The following CDH18 variants were observed in gnomAD, a reference collection of about 807,000 sequenced individuals.
The protein encoded by CDH18 is cadherin 18.
CDH18 carries 31 observed loss-of-function variants against 67.9 expected under a neutral mutation model. The ratio of observed to expected loss-of-function variants is 0.46; its 90% confidence interval spans 0.34 to 0.62. The LOEUF (loss-of-function observed/expected upper bound fraction) is 0.62. Ranked by LOEUF, CDH18 falls within the 20% of genes least tolerant of loss-of-function variation. The probability of loss-of-function intolerance (pLI) is 0.01; values close to 1 mark genes in which losing one functional copy is unlikely to be tolerated. For synonymous variants in CDH18, 362 were observed against 347.2 expected (o/e 1.04, Z -0.48); for missense variants, 890 against 975.5 (o/e 0.91, Z 1.17).
intron 1 of CDH18, among the ~76,000 whole-genome samples, chr5:20,482,818 T>C (rs1398622070): frequency 2.0e-5 from 3 of 152,028 alleles, no homozygotes; most frequent in Non-Finnish European, 2.9e-5. Context: ...GCTAGTACTA[T>C]ACTTAATGGG....
At chr5:20,366,837 G>C (rs1389628555) in intron 1 of CDH18, among the ~76,000 whole-genome samples, 1 of 152,138 alleles carries the variant, frequency 6.6e-6, no homozygotes, top group African/African-American at 2.4e-5. Context: ...AGTTTAGCAA[G>C]CTGGGCAGGA....
At chr5:20,424,745 TAA>T (rs67349001) in intron 1 of CDH18, among the ~76,000 whole-genome samples, 9,582 of 41,038 alleles carry the variant, frequency 0.23, 255 homozygotes, top group East Asian at 0.31. Context: ...AGACTCTGTC[TAA>T]AAAAAAAAAA....
chr5:20,264,440 ATATTT>A (rs1744883445), intron 1 of CDH18, among the ~76,000 whole-genome samples: 1 of 152,104 alleles, frequency 6.6e-6, no homozygotes, highest in South Asian at 2.1e-4. Context: ...AAATATGAAA[ATATTT>A]AATTTAATAG....
chr5:20,261,686 G>T (rs1744668371), intron 1 of CDH18, among the ~76,000 whole-genome samples: 1 of 151,968 alleles, frequency 6.6e-6, no homozygotes. Flanking sequence ...AGCTGAGATG[G>T]AGCCACTGCA....
intron 1 of CDH18, among the ~76,000 whole-genome samples, chr5:20,418,769 C>T (rs1747565475): frequency 6.6e-6 from 1 of 151,978 alleles, no homozygotes; most frequent in Non-Finnish European, 1.5e-5. Context: ...TGTGTATATG[C>T]AATGGGCTGA....
intron 2 of CDH18, among the ~76,000 whole-genome samples, chr5:20,214,997 A>G (rs1740646309): frequency 6.6e-6 from 1 of 152,002 alleles, no homozygotes; most frequent in Admixed American, 6.6e-5. Context: ...GATTTACAAT[A>G]AAAAAAGACC....
chr5:19,666,467 C>A (rs975647560), intron 5 of CDH18, among the ~76,000 whole-genome samples: 1 of 151,724 alleles, frequency 6.6e-6, no homozygotes, highest in African/African-American at 2.4e-5. Context: ...GATAAAACAT[C>A]TCCTGATGTC....
At chr5:19,827,327 CAAA>C (rs70954605) in intron 3 of CDH18, among the ~76,000 whole-genome samples, 4 of 124,994 alleles carry the variant, frequency 3.2e-5, no homozygotes, top group Admixed American at 1.6e-4. Flanking sequence ...GTTATCAAGG[CAAA>C]AAAAAAAAAA....
intron 2 of CDH18, among the ~76,000 whole-genome samples, chr5:19,842,920 C>T (rs1782506342): frequency 1.3e-5 from 2 of 152,008 alleles, no homozygotes; most frequent in African/African-American, 2.4e-5. Context: ...GAGACTGGTG[C>T]CATTTTGTCC....
chr5:20,490,030 A>G (rs1436494299), intron 1 of CDH18, among the ~76,000 whole-genome samples: 1 of 150,984 alleles, frequency 6.6e-6, no homozygotes, highest in Non-Finnish European at 1.5e-5. Context: ...AATAAATATA[A>G]TAAATCATTA....
At chr5:19,882,613 G>A (rs1297436113) in intron 2 of CDH18, among the ~76,000 whole-genome samples, 1 of 152,072 alleles carries the variant, frequency 6.6e-6, no homozygotes, top group Non-Finnish European at 1.5e-5. Flanking sequence ...TTTCAGAAAA[G>A]TTTTGTATCC....
At chr5:20,488,119 A>G (rs1287581598) in intron 1 of CDH18, among the ~76,000 whole-genome samples, 2 of 152,114 alleles carry the variant, frequency 1.3e-5, no homozygotes, top group African/African-American at 4.8e-5. Context: ...TCCTTTTCAA[A>G]TTTCAACAAT....
At chr5:19,669,059 T>C (rs1013153153) in intron 5 of CDH18, among the ~76,000 whole-genome samples, 11 of 149,420 alleles carry the variant, frequency 7.4e-5, no homozygotes, top group African/African-American at 2.7e-4. Flanking sequence ...AGTAACTAAA[T>C]ATTCAGAGCA....
chr5:20,112,687 C>T (rs1290767258), intron 2 of CDH18, among the ~76,000 whole-genome samples: 2 of 151,950 alleles, frequency 1.3e-5, no homozygotes, highest in Non-Finnish European at 2.9e-5. Context: ...GCACTCCAGC[C>T]TGGCGATAGA....
chr5:19,646,240 C>T (rs952726178), intron 5 of CDH18, among the ~76,000 whole-genome samples: 5 of 151,840 alleles, frequency 3.3e-5, no homozygotes, highest in Admixed American at 6.6e-5. Flanking sequence ...CAGCACTTAC[C>T]GAGATGGGTA....
intron 2 of CDH18, among the ~76,000 whole-genome samples, chr5:19,840,184 C>A (rs1027281492): frequency 4.7e-5 from 7 of 148,162 alleles, no homozygotes; most frequent in Non-Finnish European, 7.4e-5. Flanking sequence ...AGGAAAATGG[C>A]GTGAACCCGG....
chr5:20,402,832 C>T (rs1250417298), intron 1 of CDH18, among the ~76,000 whole-genome samples: 5 of 151,694 alleles, frequency 3.3e-5, no homozygotes, highest in African/African-American at 7.3e-5. Flanking sequence ...TGCTTGAACC[C>T]GTGAGGCGGA....
chr5:20,340,843 C>G (rs552242751), intron 1 of CDH18, among the ~76,000 whole-genome samples: 3 of 152,254 alleles, frequency 2.0e-5, no homozygotes, highest in Non-Finnish European at 4.4e-5. Flanking sequence ...TTTCCTCAAC[C>G]CATAAGTTGG....
intron 2 of CDH18, among the ~76,000 whole-genome samples, chr5:19,869,472 G>A (rs560662818): frequency 5.5e-4 from 83 of 152,118 alleles, no homozygotes; most frequent in African/African-American, 1.9e-3. Context: ...CATCTTTTAA[G>A]TATAAGCATT....
Sources: gnomAD v4.1 joint callset for allele counts (sites outside exome capture counted in the v4.1 genomes callset) on GRCh38, gnomAD v4.1.1 for gene constraint, MANE v1.5 for transcripts, NCBI Gene and HGNC (gene_info 2026-07-23, HGNC 2026-07-21) for gene names.